The following LARGE1 variants were observed in gnomAD, a reference collection of about 807,000 sequenced individuals.
The protein encoded by LARGE1 is xylosyl- and glucuronyltransferase LARGE1.
In LARGE1, 43 loss-of-function variants were observed where a neutral mutation model predicts 87.6. The observed-to-expected ratio is 0.49, with a 90% CI of 0.38 to 0.63. LARGE1 has a LOEUF of 0.63. Ranked by LOEUF, LARGE1 falls within the 30% of genes least tolerant of loss-of-function variation. The probability of loss-of-function intolerance (pLI) is 0.00; values close to 1 mark genes in which losing one functional copy is unlikely to be tolerated. For synonymous variants in LARGE1, 434 were observed against 394.6 expected, an observed-to-expected ratio of 1.10 and a Z score of -1.18; for missense variants, 802 against 1,000.2, an observed-to-expected ratio of 0.80 and a Z score of 2.67.
chr22:33,409,746 A>C (rs1294547908), intron 7 of LARGE1, among the ~76,000 whole-genome samples: 1 of 151,868 alleles, frequency 6.6e-6, no homozygotes, highest in Non-Finnish European at 1.5e-5. Flanking sequence ...CTTTAGTCCC[A>C]GCTACTTGGG....
chr22:33,505,897 A>G (rs1180847322), intron 6 of LARGE1, among the ~76,000 whole-genome samples: 1 of 152,154 alleles, frequency 6.6e-6, no homozygotes, highest in East Asian at 1.9e-4. Flanking sequence ...AGAATGTTCT[A>G]TGTTCTGTTC....
At chr22:33,598,160 C>T in intron 5 of LARGE1, among the ~76,000 whole-genome samples, 1 of 152,124 alleles carries the variant, frequency 6.6e-6, no homozygotes, top group East Asian at 1.9e-4. Flanking sequence ...GGAAACAGGA[C>T]ATAGGAGAAA....
the LARGE1 span, among the ~76,000 whole-genome samples, chr22:33,068,593 C>G: frequency 1.3e-5 from 2 of 151,930 alleles, no homozygotes; most frequent in Admixed American, 6.6e-5. Flanking sequence ...TGCAGTGAGC[C>G]GAGATGGCGC....
chr22:33,213,246 C>T (rs984639671), intron 11 of LARGE1, among the ~76,000 whole-genome samples: 7 of 152,112 alleles, frequency 4.6e-5, no homozygotes, highest in African/African-American at 1.4e-4. Flanking sequence ...GAATGGATAA[C>T]GCGTTGCTTC....
At chr22:33,239,302 G>A (rs989067468) in intron 11 of LARGE1, among the ~76,000 whole-genome samples, 1 of 151,996 alleles carries the variant, frequency 6.6e-6, no homozygotes, top group African/African-American at 2.4e-5. Flanking sequence ...AGCAATTAGT[G>A]TAATTTACAG....
At chr22:33,415,845 C>T (rs2066467861) in intron 7 of LARGE1, among the ~76,000 whole-genome samples, 1 of 152,104 alleles carries the variant, frequency 6.6e-6, no homozygotes, top group African/African-American at 2.4e-5. Flanking sequence ...GCGGTTTCTC[C>T]TGAGGGCCAG....
At chr22:33,533,550 C>T (rs1390618469) in intron 6 of LARGE1, among the ~76,000 whole-genome samples, 2 of 152,190 alleles carry the variant, frequency 1.3e-5, no homozygotes, top group Admixed American at 6.5e-5. Flanking sequence ...GTTGTTTAAT[C>T]CAACAGATGT....
At chr22:33,731,208 T>C (rs544151926) in intron 2 of LARGE1, among the ~76,000 whole-genome samples, 1 of 151,916 alleles carries the variant, frequency 6.6e-6, no homozygotes, top group East Asian at 1.9e-4. Flanking sequence ...TTTCACCATG[T>C]TAGCCACGAT....
intron 11 of LARGE1, among the ~76,000 whole-genome samples, chr22:33,249,308 T>A (rs1926910368): frequency 6.6e-6 from 1 of 152,224 alleles, no homozygotes; most frequent in Admixed American, 6.5e-5. Flanking sequence ...GTAGAGCAAC[T>A]TTTTATATGT....
intron 2 of LARGE1, among the ~76,000 whole-genome samples, chr22:33,668,180 G>A (rs564806007): frequency 3.9e-5 from 6 of 152,176 alleles, no homozygotes; most frequent in Non-Finnish European, 8.8e-5. Context: ...TATAGGTAAA[G>A]ATATGCTATA....
chr22:33,766,361 C>A (rs958367182), intron 1 of LARGE1, among the ~76,000 whole-genome samples: 1 of 152,132 alleles, frequency 6.6e-6, no homozygotes, highest in Non-Finnish European at 1.5e-5. Flanking sequence ...CGTCTCCCAT[C>A]TGTCTTAACC....
chr22:33,289,929 G>C (rs1274437835), intron 12 of LARGE1, among the ~76,000 whole-genome samples: 1 of 152,104 alleles, frequency 6.6e-6, no homozygotes, highest in South Asian at 2.1e-4. Flanking sequence ...CAAAACTGGC[G>C]AGCAGGGGAG....
rs576222930 is a variant in LARGE1, at chr22:33,304,120, G to C, written c.1730+109C>G. 26 of 1,300,858 alleles carry C rather than the reference G, an allele frequency of 2.0e-5. No homozygotes were observed. The East Asian group carries it at 6.3e-4, about 32-fold the overall frequency. 80.6% of individuals were successfully genotyped at this position (1,300,858 alleles called of 1,614,324 possible). A position where few individuals can be genotyped will look rare whatever the true frequency, so the allele number is the denominator to read the frequency against. ...TTCTGGGTCTCTGCTGCCCCATCTGGAAAAGAAACCTGTTGGACTAGATGA... is the reference window on the plus strand; with the variant it reads ...TTCTGGGTCTCTGCTGCCCCATCTGCAAAAGAAACCTGTTGGACTAGATGA... On this transcript the variant is annotated intron_variant, in intron 12 of 14. Coordinates refer to ENST00000397394, the MANE Select transcript of LARGE1 (RefSeq NM_133642.5).
In LARGE1 at chr22:33,272,934, G is replaced by T. The variant is rs56660136; in HGVS notation, c.*1493C>A. 0.03 allele frequency: 4,580 copies of T among 152,330 alleles called. 220 individuals carry two copies. Among genetic ancestry groups the T allele is most frequent in the African/African-American group, 0.1 (4,341 of 41,474 alleles). The allele number at this position is 152,330 out of a possible 1,614,324, so 9.4% of individuals were successfully genotyped here. A position where few individuals can be genotyped will look rare whatever the true frequency, so the allele number is the denominator to read the frequency against. On this transcript the variant is annotated 3_prime_UTR_variant, in exon 15 of 15. Coordinates refer to ENST00000397394, the MANE Select transcript of LARGE1 (RefSeq NM_133642.5). The stretch of plus-strand genomic sequence containing the variant: ...GAGTGGGATCTAACTTCAGGCAAAA[G>T]GGGAAAAAAAAGGCTAAAGTTCAAA...
At chr22:33,197,504 A>G (rs1924141646) in intron 11 of LARGE1, among the ~76,000 whole-genome samples, 1 of 152,058 alleles carries the variant, frequency 6.6e-6, no homozygotes, top group Non-Finnish European at 1.5e-5. Flanking sequence ...AAAAAATGGT[A>G]AATGAAATTA....
intron 1 of LARGE1, among the ~76,000 whole-genome samples, chr22:33,871,137 G>A (rs977985893): frequency 6.6e-6 from 1 of 152,132 alleles, no homozygotes; most frequent in African/African-American, 2.4e-5. Flanking sequence ...TTTATTTCAT[G>A]GCACAAATAA....
intron 13 of LARGE1, among the ~76,000 whole-genome samples, chr22:33,278,557 A>T (rs58183526): frequency 0.38 from 45,020 of 118,190 alleles, 6,811 homozygotes; most frequent in African/African-American, 0.41. Context: ...TCTCTCTCAC[A>T]CACACACACA....
chr22:33,455,912 C>T (rs764095070), intron 6 of LARGE1, among the ~76,000 whole-genome samples: 1 of 152,104 alleles, frequency 6.6e-6, no homozygotes, highest in African/African-American at 2.4e-5. Context: ...TTGTGGGTAT[C>T]GGGGCTGCAA....
intron 2 of LARGE1, among the ~76,000 whole-genome samples, chr22:33,708,212 A>G (rs1603215236): frequency 6.7e-6 from 1 of 148,996 alleles, no homozygotes; most frequent in East Asian, 2.1e-4. Context: ...CGGACTGAAT[A>G]GAAGTTAGGA....
Sources: allele counts gnomAD v4.1 joint callset (sites outside exome capture counted in the v4.1 genomes callset), GRCh38; gene constraint gnomAD v4.1.1; transcripts MANE v1.5; gene names NCBI Gene and HGNC (gene_info 2026-07-23, HGNC 2026-07-21).